Variants in ITGA2 observed in about 807,000 individuals in gnomAD.
The protein encoded by ITGA2 is integrin subunit alpha 2.
A neutral mutation model predicts 146.3 loss-of-function variants in ITGA2; 101 were observed. The observed-to-expected ratio is 0.69, with a 90% CI of 0.59 to 0.81. The LOEUF (loss-of-function observed/expected upper bound fraction) is 0.81. ITGA2 is among the 40% of genes least tolerant of loss of function. ITGA2 has a pLI of 0.00. For missense variants in ITGA2, 1,281 were observed against 1,402.7 expected, an observed-to-expected ratio of 0.91 and a Z score of 1.39; for synonymous variants, 477 against 487.1, an observed-to-expected ratio of 0.98 and a Z score of 0.27.
At position 53,051,554 on chromosome 5, in the gene ITGA2, TGCAAGGTAA is replaced by T; in HGVS notation, c.776_779+5del. 1 of 1,613,362 alleles carries T rather than the reference TGCAAGGTAA, an allele frequency of 6.2e-7. No individual in the cohort carries two copies. The highest frequency in any genetic ancestry group is 1.1e-5 in the South Asian group (1 of 91,066). On this transcript the variant is annotated splice_donor_variant and splice_donor_region_variant and coding_sequence_variant and intron_variant, in exon 7 of 30. Coordinates refer to ENST00000296585, the MANE Select transcript of ITGA2 (RefSeq NM_002203.4). LOFTEE classifies it high-confidence loss of function. ...CAAACACATTCGGAGCAATTCAATA[TGCAAGGTAA>T]GTTTTGGTGCTAATAGGCCAATGTT...
chr5:53,060,985 T>C lies in ITGA2; in HGVS notation c.1397T>C (p.Val466Ala). 6.2e-7 allele frequency: 1 copy of C among 1,612,406 alleles called. No homozygotes were observed. Among genetic ancestry groups the C allele is most frequent in the Non-Finnish European group, 8.5e-7 (1 of 1,178,898 alleles). The change falls in exon 12 of 30, where the codon GTG becomes GCG. Residue 466 changes from valine to alanine, a missense_variant. Physicochemically the swap from Val to Ala is moderately conservative, Grantham distance 64. Around this residue, in one of 3 missense-constraint regions of ITGA2, gnomAD observed 795 missense variants for 841.7 expected, o/e 0.94. Coordinates refer to ENST00000296585, the MANE Select transcript of ITGA2 (RefSeq NM_002203.4). ...CGGGCAAATTATACCGGCCAGATAG[T>C]GCTATATAGTGTGAATGAGAATGGC... ...APRANYTGQIVLYSVNENGNI... is the reference protein window; with the variant it reads ...APRANYTGQIALYSVNENGNI...
chr5:53,026,631 T>C (rs1476216516), intron 1 of ITGA2, 117 bp from the exon 2 acceptor site: 3 of 914,978 alleles, frequency 3.3e-6, no homozygotes, highest in African/African-American at 3.3e-5. Flanking sequence ...GGGTAAACGT[T>C]GATAAGTAAT....
At chr5:52,994,384 A>T (rs1741125059) in intron 1 of ITGA2, among the ~76,000 whole-genome samples, 1 of 152,192 alleles carries the variant, frequency 6.6e-6, no homozygotes. Flanking sequence ...TAGCTAAAAA[A>T]TTGAGGTGAT....
chr5:53,018,363 C>A (rs975429252), intron 1 of ITGA2, among the ~76,000 whole-genome samples: 1 of 152,104 alleles, frequency 6.6e-6, no homozygotes, highest in Non-Finnish European at 1.5e-5. Flanking sequence ...TCGTGAGTTC[C>A]GCTGCTAGGA....
intron 6 of ITGA2, among the ~76,000 whole-genome samples, chr5:53,050,783 AT>A (rs1744318673): frequency 6.6e-6 from 1 of 152,174 alleles, no homozygotes; most frequent in South Asian, 2.1e-4. Context: ...TTCAAATAAG[AT>A]GCTCTCCAGT....
At chr5:53,050,536 A>G (rs1240612811) in intron 6 of ITGA2, among the ~76,000 whole-genome samples, 1 of 152,116 alleles carries the variant, frequency 6.6e-6, no homozygotes, top group Non-Finnish European at 1.5e-5. Context: ...AACACAGCAG[A>G]TGGAACTCAG....
intron 1 of ITGA2, among the ~76,000 whole-genome samples, chr5:53,021,373 A>G (rs1234471487): frequency 1.3e-5 from 2 of 152,252 alleles, no homozygotes; most frequent in Non-Finnish European, 2.9e-5. Flanking sequence ...CATAAAATAC[A>G]AAATTTTTAT....
intron 2 of ITGA2, among the ~76,000 whole-genome samples, chr5:53,031,768 GTA>G (rs1743237003): frequency 6.6e-6 from 1 of 152,220 alleles, no homozygotes. Context: ...CCCTCTGGCT[GTA>G]AGTAAGGCTG....
intron 20 of ITGA2, 141 bp downstream of exon 20, chr5:53,073,400 A>T: frequency 1.1e-6 from 1 of 911,176 alleles, no homozygotes. Flanking sequence ...CCGACTAGTT[A>T]AACTGCATGA....
In ITGA2 at chr5:53,051,494, A is replaced by G. The variant is rs1465230425; in HGVS notation, c.714A>G (p.Ala238=). The G allele has an allele frequency of 1.4e-5, 22 of 1,613,558 alleles. No homozygotes were observed. Among genetic ancestry groups the G allele is most frequent in the Non-Finnish European group, 1.8e-5 (21 of 1,179,718 alleles). The change falls in exon 7 of 30, where the codon GCA becomes GCG. Residue 238 remains alanine (A), a synonymous_variant. Coordinates refer to ENST00000296585, the MANE Select transcript of ITGA2 (RefSeq NM_002203.4). ...TYKTKEEMIV[A]TSQTSQYGGD... is the part of the protein sequence containing the mutation. The stretch of plus-strand genomic sequence containing the variant: ...AAACCAAAGAAGAAATGATTGTAGC[A>G]ACATCCCAGACATCCCAATATGGTG...
rs1561137912 is a variant in ITGA2 at position 53,065,858 on chromosome 5, TG to T, written c.1826del (p.Gly609GlufsTer20). 6.2e-7 allele frequency: 1 copy of T among 1,611,948 alleles called. No individual in the cohort carries two copies. ...TCTTTTAGAAAATCTTGGGATCCGA[TG>T]GAGCCTTTAGGAGCCATCTCCAGTA... Reference protein sequence around the residue: ...KYSQKILGSDGAFRSHLQYFG... With the variant: ...KYSQKILGSDXAFRSHLQYFG... On this transcript the variant is annotated frameshift_variant, in exon 15 of 30. Coordinates refer to ENST00000296585, the MANE Select transcript of ITGA2 (RefSeq NM_002203.4). LOFTEE classifies it high-confidence loss of function.
At chr5:53,041,593 G>T (rs1231467098) in intron 2 of ITGA2, among the ~76,000 whole-genome samples, 1 of 152,106 alleles carries the variant, frequency 6.6e-6, no homozygotes, top group Non-Finnish European at 1.5e-5. Context: ...ACGTAGCCAC[G>T]AGCCACATGT....
rs768656331 is a variant in ITGA2, at chr5:53,078,860, A to G, written c.2914A>G (p.Ile972Val). 21 of 1,599,900 alleles carry G rather than the reference A, an allele frequency of 1.3e-5. No homozygotes were observed. In the South Asian group the frequency reaches 1.8e-4, roughly 13 times the overall value. ...TTTTGAAGATGTTGGTCCAAAATTC[A>G]TCTTCTCCCTGAAGGTTGGTAAGCC... ...HSFEDVGPKF[I>V]FSLKVTTGSV... Residue 972 changes from isoleucine (I) to valine (V), a missense_variant, in exon 24 of 30, where the codon ATC becomes GTC. This residue lies in a region of ITGA2 where 475 missense variants were observed against 530.5 expected (regional missense o/e 0.90). Coordinates refer to ENST00000296585, the MANE Select transcript of ITGA2 (RefSeq NM_002203.4).
intron 16 of ITGA2, among the ~76,000 whole-genome samples, chr5:53,068,521 C>A (rs139610933): frequency 2.0e-5 from 3 of 151,864 alleles, no homozygotes; most frequent in Non-Finnish European, 4.4e-5. Flanking sequence ...TATACTTCAA[C>A]CCTTATGGTG....
At chr5:53,063,077 T>A in intron 13 of ITGA2, 148 bp downstream of exon 13, 1 of 701,768 alleles carries the variant, frequency 1.4e-6, no homozygotes, top group Non-Finnish European at 2.3e-6. Flanking sequence ...ATGTCCCCAT[T>A]AAGTTATGAT....
intron 1 of ITGA2, among the ~76,000 whole-genome samples, chr5:53,000,888 T>C (rs1453204057): frequency 6.8e-6 from 1 of 147,442 alleles, no homozygotes; most frequent in African/African-American, 2.5e-5. Context: ...TTTTTTTCTT[T>C]TTCTTTTTGT....
At chr5:53,074,944 A>G in intron 21 of ITGA2, 117 bp from the exon 22 acceptor site, 3 of 722,880 alleles carry the variant, frequency 4.2e-6, no homozygotes, top group Admixed American at 2.1e-5. Context: ...AGCTTAAGGT[A>G]TATAAAATTC....
At chr5:52,997,134 G>A (rs1198758441) in intron 1 of ITGA2, among the ~76,000 whole-genome samples, 1 of 152,198 alleles carries the variant, frequency 6.6e-6, no homozygotes, top group Non-Finnish European at 1.5e-5. Context: ...GTATAAACTT[G>A]AACTGCATAT....
chr5:53,047,234 T>G (rs1744134620), intron 4 of ITGA2, among the ~76,000 whole-genome samples: 1 of 152,232 alleles, frequency 6.6e-6, no homozygotes, highest in South Asian at 2.1e-4. Context: ...GTTTTATAAC[T>G]GATTCACAAC....
Sources: allele counts gnomAD v4.1 joint callset (sites outside exome capture counted in the v4.1 genomes callset), GRCh38; gene constraint gnomAD v4.1.1; regional missense constraint gnomAD v4.1.1; transcripts MANE v1.5; gene names NCBI Gene and HGNC (gene_info 2026-07-23, HGNC 2026-07-21).